The following SYT16 variants were observed in gnomAD, a reference collection of about 807,000 sequenced individuals.
SYT16 encodes synaptotagmin-16.
A neutral mutation model predicts 61.4 loss-of-function variants in SYT16; 42 were observed. That is an observed-to-expected ratio of 0.68 (90% CI 0.53 to 0.89). SYT16 has a LOEUF of 0.89. SYT16 is among the 40% of genes least tolerant of loss of function. The pLI, the probability that SYT16 is intolerant of heterozygous loss-of-function variation, is 0.00. For missense variants in SYT16, 804 were observed against 807.3 expected, an observed-to-expected ratio of 1.00 and a Z score of 0.05; for synonymous variants, 314 against 302.3, an observed-to-expected ratio of 1.04 and a Z score of -0.40.
rs1476350419 is a variant in SYT16, at chr14:62,069,741, T to A, written c.662T>A (p.Leu221Ter). The change falls in exon 4 of 8, where the codon TTG (leucine) becomes TAG (stop). Residue 221 changes from leucine (L) to a stop codon, truncating the protein, a stop_gained. Coordinates refer to ENST00000683842, the MANE Select transcript of SYT16 (RefSeq NM_001367656.1). LOFTEE classifies it high-confidence loss of function. ...VTSEKGKQTGLEQKPKFSRSL... is the reference protein window; with the variant it reads ...VTSEKGKQTG The stretch of plus-strand genomic sequence containing the variant: ...TCTGAGAAAGGAAAGCAGACAGGAT[T>A]GGAGCAGAAACCAAAATTCAGCCGT... 9 of 1,613,886 alleles carry A rather than the reference T, an allele frequency of 5.6e-6. No homozygotes were observed. The highest frequency in any genetic ancestry group is 7.6e-6 in the Non-Finnish European group (9 of 1,179,888).
intron 1 of SYT16, among the ~76,000 whole-genome samples, chr14:61,956,411 T>A (rs2050876544): frequency 1.3e-5 from 2 of 152,108 alleles, no homozygotes; most frequent in African/African-American, 4.8e-5. Context: ...AACTACGTTT[T>A]CTTCTAAAAG....
At chr14:62,001,903 G>A (rs8011846) in intron 3 of SYT16, among the ~76,000 whole-genome samples, 8,703 of 151,862 alleles carry the variant, frequency 0.057, 321 homozygotes, top group African/African-American at 0.1. Flanking sequence ...CGTGTTTTTC[G>A]TGTCTAGCAT....
At chr14:61,888,769 T>TAAA (rs35694977) in intron 1 of SYT16, among the ~76,000 whole-genome samples, 1 of 104,298 alleles carries the variant, frequency 9.6e-6, no homozygotes, top group African/African-American at 3.5e-5. Context: ...CTTCAATTTG[T>TAAA]AAAAAAAAAA....
rs745862128 is a variant in SYT16 at position 62,075,351 on chromosome 14, A to G, written c.953A>G (p.Asp318Gly). The G allele has an allele frequency of 7.4e-6, 12 of 1,613,730 alleles. No individual in the cohort carries two copies. In the East Asian group the frequency reaches 1.1e-4, roughly 15 times the overall value. The change falls in exon 5 of 8, where the codon GAT (aspartate) becomes GGT (glycine). Residue 318 changes from aspartate to glycine, a missense_variant. Physicochemically the swap from Asp to Gly is moderately conservative, Grantham distance 94 (BLOSUM62 -1). Transcript: ENST00000683842. ...ETAFNSRGFE[D>G]SYATDSSSMW... ...GCTTTTAATAGCCGGGGATTTGAAG[A>G]TTCCTATGCCACTGACAGCTCCTCC...
At chr14:61,973,457 G>A (rs979466883) in intron 2 of SYT16, among the ~76,000 whole-genome samples, 1 of 152,012 alleles carries the variant, frequency 6.6e-6, no homozygotes, top group Non-Finnish European at 1.5e-5. Flanking sequence ...TTTATGTAAT[G>A]TTCTTGTGTT....
At chr14:61,894,255 G>A (rs1029185233) in intron 1 of SYT16, among the ~76,000 whole-genome samples, 7 of 151,290 alleles carry the variant, frequency 4.6e-5, no homozygotes, top group South Asian at 2.1e-4. Context: ...ATTGCACTCC[G>A]GCCTGGGCAA....
chr14:61,900,314 C>T (rs146318262), intron 1 of SYT16, among the ~76,000 whole-genome samples: 128 of 152,238 alleles, frequency 8.4e-4, no homozygotes, highest in African/African-American at 2.8e-3. Flanking sequence ...CCTTCCACCA[C>T]GCCCAGCTAA....
intron 3 of SYT16, among the ~76,000 whole-genome samples, chr14:62,016,084 A>G (rs1409286870): frequency 1.3e-5 from 2 of 152,146 alleles, no homozygotes; most frequent in African/African-American, 4.8e-5. Context: ...GTCAATAGTG[A>G]AACCATTTAC....
chr14:62,079,289 A>G, intron 5 of SYT16: 2 of 980,600 alleles, frequency 2.0e-6, no homozygotes, highest in Non-Finnish European at 2.6e-6. Context: ...CTCACAGGAA[A>G]GGATATAAGA....
At chr14:61,951,234 T>A (rs531219518) in intron 1 of SYT16, among the ~76,000 whole-genome samples, 2 of 152,224 alleles carry the variant, frequency 1.3e-5, no homozygotes, top group Non-Finnish European at 2.9e-5. Context: ...AAGTTTGGGA[T>A]TGAATGGGTC....
intron 3 of SYT16, among the ~76,000 whole-genome samples, chr14:62,049,613 A>G (rs1270858465): frequency 1.3e-5 from 2 of 152,294 alleles, no homozygotes; most frequent in East Asian, 1.9e-4. Flanking sequence ...AGCGGCTGGT[A>G]CCACTTGTTC....
chr14:62,057,576 T>C (rs1394765529), intron 3 of SYT16, among the ~76,000 whole-genome samples: 2 of 152,180 alleles, frequency 1.3e-5, no homozygotes, highest in African/African-American at 4.8e-5. Context: ...TCATGGGTAC[T>C]TGGGCTTCTT....
At chr14:61,986,443 ATTTATATATATATATATTTT>A (rs1274521603) in intron 2 of SYT16, among the ~76,000 whole-genome samples, 1 of 149,538 alleles carries the variant, frequency 6.7e-6, no homozygotes. Flanking sequence ...TATTTAAAAA[ATTTATATATATATATATTTT>A]TATTATACTT....
At chr14:61,912,302 G>A (rs954482521) in intron 1 of SYT16, among the ~76,000 whole-genome samples, 7 of 152,182 alleles carry the variant, frequency 4.6e-5, no homozygotes, top group African/African-American at 1.7e-4. Flanking sequence ...GGATAGGATA[G>A]GATTACTAAA....
intron 4 of SYT16, among the ~76,000 whole-genome samples, chr14:62,073,828 T>C (rs967473137): frequency 6.6e-6 from 1 of 152,234 alleles, no homozygotes; most frequent in Non-Finnish European, 1.5e-5. Context: ...CTACCTAGAC[T>C]TTAAAGTTCT....
intron 3 of SYT16, among the ~76,000 whole-genome samples, chr14:62,009,736 T>C (rs889161612): frequency 1.1e-4 from 16 of 152,154 alleles, no homozygotes. Flanking sequence ...AGCCCCTCAC[T>C]CTGCTATCAG....
At chr14:61,860,130 AAAGT>A (rs2046920199) in intron 1 of SYT16, among the ~76,000 whole-genome samples, 1 of 152,218 alleles carries the variant, frequency 6.6e-6, no homozygotes, top group Non-Finnish European at 1.5e-5. Context: ...ATCTTTGGAA[AAAGT>A]CACTCTAGGT....
chr14:61,856,876 G>GGA (rs1318246752), intron 1 of SYT16, among the ~76,000 whole-genome samples: 3 of 152,152 alleles, frequency 2.0e-5, no homozygotes, highest in African/African-American at 7.2e-5. Context: ...GGGATGAGAA[G>GGA]GAGCGGTCAA....
intron 3 of SYT16, among the ~76,000 whole-genome samples, chr14:62,002,516 G>A (rs1187953375): frequency 1.3e-5 from 2 of 152,108 alleles, no homozygotes; most frequent in Non-Finnish European, 2.9e-5. Context: ...GGTTGAGTTG[G>A]AGGTTGTGTT....
Sources: gnomAD v4.1 joint callset for allele counts (sites outside exome capture counted in the v4.1 genomes callset) on GRCh38, gnomAD v4.1.1 for gene constraint, MANE v1.5 for transcripts, NCBI Gene and HGNC (gene_info 2026-07-23, HGNC 2026-07-21) for gene names.